The following RAPGEFL1 variants were observed in gnomAD, a reference collection of about 807,000 sequenced individuals.
RAPGEFL1 encodes Rap guanine nucleotide exchange factor like 1.
In RAPGEFL1, 31 loss-of-function variants were observed where a neutral mutation model predicts 64.4. The ratio of observed to expected loss-of-function variants is 0.48; its 90% confidence interval spans 0.36 to 0.65. The LOEUF (loss-of-function observed/expected upper bound fraction) is 0.65, where lower values mean the gene tolerates loss of function less well. Ranked by LOEUF, RAPGEFL1 falls within the 30% of genes least tolerant of loss-of-function variation. The pLI is 0.00. For missense variants in RAPGEFL1, 682 were observed against 677.4 expected, an observed-to-expected ratio of 1.01 and a Z score of -0.08; for synonymous variants, 331 against 274.1, an observed-to-expected ratio of 1.21 and a Z score of -2.05.
In RAPGEFL1 at chr17:40,192,248, A is replaced by C. The variant is rs759109981; in HGVS notation, c.1641A>C (p.Lys547Asn). 1.2e-6 allele frequency: 2 copies of C among 1,613,984 alleles called. No individual in the cohort carries two copies. Among genetic ancestry groups the C allele is most frequent in the South Asian group, 2.2e-5 (2 of 91,060 alleles). ...LPGKFKNLFR[K>N]FENLTDPCRN... ...GGAAATTCAAGAACTTGTTTCGCAAATTTGAGAACCTGACGGTGAGTGGGT... is the reference window on the plus strand; with the variant it reads ...GGAAATTCAAGAACTTGTTTCGCAACTTTGAGAACCTGACGGTGAGTGGGT... The change falls in exon 11 of 15, where the codon AAA becomes AAC. Residue 547 changes from lysine to asparagine, a missense_variant. Physicochemically the swap from Lys to Asn is moderately conservative, Grantham distance 94 (BLOSUM62 0). Transcript: ENST00000620260.
chr17:40,192,462 C>A, intron 11 of RAPGEFL1, 144 bp from the exon 12 acceptor site: 1 of 905,726 alleles, frequency 1.1e-6, no homozygotes, highest in Non-Finnish European at 1.8e-6. Flanking sequence ...AGTCAGGTCC[C>A]TCCCCACCAC....
chr17:40,184,821 C>A, intron 4 of RAPGEFL1, 143 bp downstream of exon 4: 1 of 610,592 alleles, frequency 1.6e-6, no homozygotes, highest in Non-Finnish European at 2.9e-6. Flanking sequence ...ACTTTGTCGC[C>A]TAGGCTGGAG....
rs765419833 is a variant in RAPGEFL1, at chr17:40,191,369, C to G, written c.1389C>G (p.Ala463=). The G allele has an allele frequency of 1.3e-6, 2 of 1,596,900 alleles. No individual in the cohort carries two copies. Among genetic ancestry groups the G allele is most frequent in the Non-Finnish European group, 1.7e-6 (2 of 1,177,058 alleles). The change falls in exon 9 of 15, where the codon GCC becomes GCG. Residue 463 remains alanine, a synonymous_variant. Coordinates refer to ENST00000620260, the MANE Select transcript of RAPGEFL1 (RefSeq NM_016339.6). The surrounding 1 kb of genome is among the most constrained non-coding windows in gnomAD (Gnocchi z 5.1). ...GGGAGCGCGGCCGCCGGGAGACGGC[C>G]AACTTGGAGCTGCTGCTGCAGCGCT... ...FHGERGRRET[A]NLELLLQRCS...
Position 40,191,337 on chromosome 17 carries a change from T to C in RAPGEFL1, c.1357T>C (p.Phe453Leu). Reference sequence around the variant, plus strand: ...GCAGCTGGAGTTCGTGGACTACGTGTTCCACGGGGAGCGCGGCCGCCGGGA... The same window carrying C: ...GCAGCTGGAGTTCGTGGACTACGTGCTCCACGGGGAGCGCGGCCGCCGGGA... ...VHELEFVDYV[F>L]HGERGRRETA... The change falls in exon 9 of 15, where the codon TTC becomes CTC. Residue 453 changes from phenylalanine (F) to leucine (L), a missense_variant. Phe to Leu is a conservative substitution (Grantham distance 22). Transcript: ENST00000620260. The surrounding 1 kb of genome is among the most constrained non-coding windows in gnomAD (Gnocchi z 5.1). 1 of 1,588,090 alleles carries C rather than the reference T, an allele frequency of 6.3e-7. No individual in the cohort carries two copies. The highest frequency in any genetic ancestry group is 8.5e-7 in the Non-Finnish European group (1 of 1,175,168).
intron 4 of RAPGEFL1, among the ~76,000 whole-genome samples, chr17:40,186,590 A>T (rs1332064885): frequency 2.2e-5 from 3 of 137,970 alleles, no homozygotes; most frequent in African/African-American, 7.9e-5. Flanking sequence ...AAAAAAAAAA[A>T]AAAAAAAAAA....
At chr17:40,181,404 T>A in intron 1 of RAPGEFL1, 4 of 578,980 alleles carry the variant, frequency 6.9e-6, no homozygotes, top group East Asian at 3.7e-5. Context: ...TTCAGCTGCC[T>A]TGGCAGCTGC....
At chr17:40,193,438 G>C in intron 14 of RAPGEFL1, 21 bp downstream of exon 14, 1 of 1,613,234 alleles carries the variant, frequency 6.2e-7, no homozygotes, top group African/African-American at 1.3e-5. Flanking sequence ...AGGGTACTGA[G>C]AGCAGTACAG....
At position 40,191,720 on chromosome 17, in the gene RAPGEFL1, C is replaced by T. The variant is rs1990279760; in HGVS notation, c.1605+48C>T. The T allele has an allele frequency of 6.4e-7, 1 of 1,559,514 alleles. No homozygotes were observed. Among genetic ancestry groups the T allele is most frequent in the East Asian group, 2.3e-5 (1 of 43,324 alleles). On this transcript the variant is annotated intron_variant, in intron 10 of 14. Transcript: ENST00000620260. This position sits in a 1 kb window ranked among gnomAD's most constrained non-coding sequence, Gnocchi z 5.1. The stretch of plus-strand genomic sequence containing the variant: ...TACCTGGGAATCTGGGCATCCCGGG[C>T]TCCCCGAAGTGCGTCCTCCCGGGAC...
chr17:40,191,771 G>T lies in RAPGEFL1; in HGVS notation c.1605+99G>T. The T allele has an allele frequency of 7.9e-7, 1 of 1,265,342 alleles. No individual in the cohort carries two copies. Among genetic ancestry groups the T allele is most frequent in the Admixed American group, 2.1e-5 (1 of 48,114 alleles). 78.4% of individuals were successfully genotyped at this position (1,265,342 alleles called of 1,614,324 possible). ...GGCCGCCGGCCTGGAGGGAGTCTTTGCGCCAGTTGGAGGGAGGCGCCCTCT... is the reference window on the plus strand; with the variant it reads ...GGCCGCCGGCCTGGAGGGAGTCTTTTCGCCAGTTGGAGGGAGGCGCCCTCT... On this transcript the variant is annotated intron_variant, in intron 10 of 14. Coordinates refer to ENST00000620260, the MANE Select transcript of RAPGEFL1 (RefSeq NM_016339.6). This position sits in a 1 kb window ranked among gnomAD's most constrained non-coding sequence, Gnocchi z 5.1.
chr17:40,177,219 T>C, upstream of RAPGEFL1: 1 of 702,622 alleles, frequency 1.4e-6, no homozygotes, highest in Non-Finnish European at 2.6e-6. Flanking sequence ...GCCACAGACC[T>C]GTCCTGACTC....
chr17:40,191,800 G>A lies in RAPGEFL1; in HGVS notation c.1605+128G>A, dbSNP rs1441788593. 2.2e-6 allele frequency: 2 copies of A among 915,610 alleles called. No individual in the cohort carries two copies. Among genetic ancestry groups the A allele is most frequent in the Non-Finnish European group, 3.4e-6 (2 of 588,220 alleles). The allele number at this position is 915,610 out of a possible 1,614,324, so 56.7% of individuals were successfully genotyped here. A position where few individuals can be genotyped will look rare whatever the true frequency, so the allele number is the denominator to read the frequency against. Reference sequence around the variant, plus strand: ...CAGTTGGAGGGAGGCGCCCTCTTCTGGCATACGCAACCCCAGGGCGCACAG... The same window carrying A: ...CAGTTGGAGGGAGGCGCCCTCTTCTAGCATACGCAACCCCAGGGCGCACAG... On this transcript the variant is annotated intron_variant, in intron 10 of 14. Transcript: ENST00000620260. The surrounding 1 kb of genome is among the most constrained non-coding windows in gnomAD (Gnocchi z 5.1).
upstream of RAPGEFL1, chr17:40,177,224 T>A (rs1283821139): frequency 1.4e-6 from 1 of 702,518 alleles, no homozygotes; most frequent in South Asian, 1.5e-5. Context: ...AGACCTGTCC[T>A]GACTCTTTGA....
intron 1 of RAPGEFL1, among the ~76,000 whole-genome samples, chr17:40,180,496 A>G (rs77893013): frequency 0.016 from 2,393 of 152,122 alleles, 30 homozygotes; most frequent in Non-Finnish European, 0.024. Context: ...GTGTGGGAGG[A>G]GAGAACTTAC....
Position 40,191,543 on chromosome 17 carries a change from GCCGCCGC to G in RAPGEFL1, c.1515-33_1515-27del, listed in dbSNP as rs775184550. The G allele has an allele frequency of 7.1e-6, 11 of 1,554,438 alleles. No individual in the cohort carries two copies. The highest frequency in any genetic ancestry group is 6.9e-6 in the Non-Finnish European group (8 of 1,151,914). ...GGGGGGCCGGAGGCCGGAGGCCCGC[GCCGCCGC>G]CCGCCCCTGACCCCGCCTCCCACCC... On this transcript the variant is annotated intron_variant, in intron 9 of 14. Coordinates refer to ENST00000620260, the MANE Select transcript of RAPGEFL1 (RefSeq NM_016339.6). This position sits in a 1 kb window ranked among gnomAD's most constrained non-coding sequence, Gnocchi z 5.1.
chr17:40,193,466 C>T (rs757966435), intron 14 of RAPGEFL1, 49 bp downstream of exon 14: 26 of 1,605,576 alleles, frequency 1.6e-5, no homozygotes, highest in Middle Eastern at 1.6e-4. Flanking sequence ...TTTGACTGAA[C>T]GGGAGGGTTC....
chr17:40,186,296 C>T (rs1268564422), intron 4 of RAPGEFL1, among the ~76,000 whole-genome samples: 8 of 146,192 alleles, frequency 5.5e-5, no homozygotes, highest in African/African-American at 1.0e-4. Flanking sequence ...AGGCCGGGCG[C>T]GGTGGCTCAC....
At chr17:40,183,122 T>C (rs1014509556) in intron 2 of RAPGEFL1, among the ~76,000 whole-genome samples, 2 of 152,164 alleles carry the variant, frequency 1.3e-5, no homozygotes, top group Admixed American at 6.6e-5. Context: ...CACTCCAGCC[T>C]GGGCAACAGA....
Position 40,184,345 on chromosome 17 carries a change from T to A in RAPGEFL1, c.731T>A (p.Ile244Asn). 1.9e-6 allele frequency: 3 copies of A among 1,609,354 alleles called. No homozygotes were observed. The highest frequency in any genetic ancestry group is 2.5e-6 in the Non-Finnish European group (3 of 1,178,314). ...GAGGAAGAGGGGGCCGGCCACATCA[T>A]CAAGGTGGGCCTGGGGGAAGAGAAG... ...LQEEEGAGHI[I>N]KDLYLLIMKD... The change falls in exon 3 of 15, where the codon ATC becomes AAC. Residue 244 changes from isoleucine to asparagine, a missense_variant. This residue lies in a region of RAPGEFL1 where 271 missense variants were observed against 158.0 expected (regional missense o/e 1.72). Coordinates refer to ENST00000620260, the MANE Select transcript of RAPGEFL1 (RefSeq NM_016339.6).
chr17:40,182,326 T>C (rs1279723711), intron 2 of RAPGEFL1, among the ~76,000 whole-genome samples: 2 of 152,062 alleles, frequency 1.3e-5, no homozygotes, highest in Non-Finnish European at 2.9e-5. Flanking sequence ...TATTTATTTA[T>C]TTTGAGATGG....
Sources: gnomAD v4.1 joint callset for allele counts (sites outside exome capture counted in the v4.1 genomes callset) on GRCh38, gnomAD v4.1.1 for gene constraint, gnomAD v4.1.1 regional missense constraint, Gnocchi (gnomAD v3.1) non-coding constraint, MANE v1.5 for transcripts, NCBI Gene and HGNC (gene_info 2026-07-23, HGNC 2026-07-21) for gene names.